Variants in SOD2 observed in about 807,000 individuals in gnomAD.
SOD2 encodes the protein superoxide dismutase [Mn], mitochondrial.
In SOD2, 11 loss-of-function variants were observed where a neutral mutation model predicts 27.0. The observed-to-expected ratio is 0.41, with a 90% CI of 0.26 to 0.67. The LOEUF is 0.67. SOD2 is among the 30% of genes least tolerant of loss of function. The probability of loss-of-function intolerance (pLI) is 0.34; values close to 1 mark genes in which losing one functional copy is unlikely to be tolerated. For synonymous variants in SOD2, 105 were observed against 103.0 expected, an observed-to-expected ratio of 1.02 and a Z score of -0.12; for missense variants, 250 against 274.5, an observed-to-expected ratio of 0.91 and a Z score of 0.63.
intron 1 of SOD2, chr6:159,753,648 C>T (rs1285573063): frequency 6.3e-7 from 1 of 1,576,298 alleles, no homozygotes; most frequent in South Asian, 1.2e-5. Flanking sequence ...AACGTTGTCT[C>T]AACTTTGCAT....
At position 159,673,836 on chromosome 6, in the gene SOD2, T is replaced by C. The variant is rs1442626135; in HGVS notation, c.*8657A>G. The C allele has an allele frequency of 6.6e-6, 1 of 151,822 alleles. No homozygotes were observed. Among genetic ancestry groups the C allele is most frequent in the Non-Finnish European group, 1.5e-5 (1 of 67,962 alleles). 9.4% of individuals were successfully genotyped at this position (151,822 alleles called of 1,614,324 possible). ...TGGTTTTTTGAAAAGATAAACACAA[T>C]TGATAGACCGCTAGCAAGACTAATA... On this transcript the variant is annotated 3_prime_UTR_variant, in exon 5 of 5. Transcript: ENST00000538183.
intron 1 of SOD2, chr6:159,743,530 C>A (rs978002837): frequency 1.3e-6 from 1 of 786,154 alleles, no homozygotes; most frequent in African/African-American, 1.8e-5. Context: ...GGAAGAAATT[C>A]GCCTGTTATA....
intron 1 of SOD2, among the ~76,000 whole-genome samples, chr6:159,709,265 T>C (rs1476877954): frequency 6.6e-6 from 1 of 152,164 alleles, no homozygotes. Flanking sequence ...AATTGACAGA[T>C]GGGATCTAAT....
chr6:159,760,150 G>A (rs1233862315), intron 1 of SOD2: 1 of 152,174 alleles, frequency 6.6e-6, no homozygotes, highest in Non-Finnish European at 1.5e-5. Flanking sequence ...TGATGTTTAG[G>A]GGGAGTTTCA....
intron 1 of SOD2, among the ~76,000 whole-genome samples, chr6:159,750,296 TCAAA>T (rs2114951236): frequency 6.6e-6 from 1 of 152,360 alleles, no homozygotes; most frequent in Non-Finnish European, 1.5e-5. Flanking sequence ...TAACATGTAC[TCAAA>T]TTGAGCAGGC....
intron 1 of SOD2, chr6:159,726,269 A>T (rs1778166904): frequency 6.6e-6 from 1 of 152,552 alleles, no homozygotes. Flanking sequence ...TCTGAGAATC[A>T]TCTGTTCATG....
chr6:159,736,105 C>T (rs1288803200), intron 1 of SOD2, among the ~76,000 whole-genome samples: 2 of 152,088 alleles, frequency 1.3e-5, no homozygotes, highest in Non-Finnish European at 2.9e-5. Context: ...TTTTGTAAAT[C>T]TAAAACTATT....
chr6:159,688,179 T>C lies in SOD2; in HGVS notation c.290A>G (p.Asn97Ser). Residue 97 changes from asparagine (N) to serine (S), a missense_variant, in exon 3 of 5, where the codon AAT becomes AGT. Transcript: ENST00000538183. Reference protein sequence around the residue: ...ALKFNGGGHINHSIFWTNLSP... With the variant: ...ALKFNGGGHISHSIFWTNLSP... ...GAGGTTTGTCCAGAAAATGCTATGA[T>C]TGATATGACCACCACCATTGAACTT... is the stretch of plus-strand genomic sequence containing the variant. 6.2e-7 allele frequency: 1 copy of C among 1,614,024 alleles called. No homozygotes were observed. The highest frequency in any genetic ancestry group is 8.5e-7 in the Non-Finnish European group (1 of 1,179,866).
At chr6:159,688,310 T>C in intron 2 of SOD2, 68 bp from the exon 3 acceptor site, 1 of 938,156 alleles carries the variant, frequency 1.1e-6, no homozygotes, top group Non-Finnish European at 1.7e-6. Flanking sequence ...ATACATTATA[T>C]TTTTTTCTTT....
intron 1 of SOD2, among the ~76,000 whole-genome samples, chr6:159,754,732 C>T (rs1401450890): frequency 2.6e-5 from 4 of 152,072 alleles, no homozygotes. Flanking sequence ...AAAATCTGTA[C>T]ATGTTCAGTA....
chr6:159,720,136 A>C (rs1337633899), intron 1 of SOD2, among the ~76,000 whole-genome samples: 1 of 151,406 alleles, frequency 6.6e-6, no homozygotes, highest in East Asian at 1.9e-4. Context: ...GTTCAAGCGA[A>C]TCTCCTGTCT....
chr6:159,761,188 GCTTT>G (rs1780116599), exon 1 of SOD2: 1 of 165,776 alleles, frequency 6.0e-6, no homozygotes, highest in Non-Finnish European at 1.3e-5. Flanking sequence ...TTGTGACAAA[GCTTT>G]CTTGTTCCAC....
intron 1 of SOD2, chr6:159,753,331 GTAAT>G (rs1228490869): frequency 7.8e-7 from 1 of 1,277,706 alleles, no homozygotes; most frequent in South Asian, 1.3e-5. Flanking sequence ...AAAGAAGATG[GTAAT>G]TATGGGGAAG....
intron 1 of SOD2, among the ~76,000 whole-genome samples, chr6:159,723,989 C>T (rs1778090530): frequency 6.6e-6 from 1 of 152,198 alleles, no homozygotes; most frequent in African/African-American, 2.4e-5. Context: ...TCTTGAACTC[C>T]TAAGCCACTT....
chr6:159,739,119 T>G, intron 1 of SOD2: 2 of 1,213,470 alleles, frequency 1.6e-6, no homozygotes, highest in African/African-American at 1.5e-5. Context: ...GTAATTGTCT[T>G]TGTGCCAGAT....
chr6:159,711,880 G>C (rs1777786719), intron 1 of SOD2, among the ~76,000 whole-genome samples: 1 of 113,246 alleles, frequency 8.8e-6, no homozygotes, highest in South Asian at 3.0e-4. Context: ...ACACTGCTCT[G>C]ATCTCCATAA....
In SOD2 at chr6:159,681,989, A is replaced by G. The variant is rs1210245511; in HGVS notation, c.*504T>C. 6.5e-6 allele frequency: 1 copy of G among 152,822 alleles called. No individual in the cohort carries two copies. The highest frequency in any genetic ancestry group is 2.4e-5 in the African/African-American group (1 of 41,484). The allele number at this position is 152,822 out of a possible 1,614,324, so 9.5% of individuals were successfully genotyped here. A position where few individuals can be genotyped will look rare whatever the true frequency, so the allele number is the denominator to read the frequency against. On this transcript the variant is annotated 3_prime_UTR_variant, in exon 5 of 5. Coordinates refer to ENST00000538183, the MANE Select transcript of SOD2 (RefSeq NM_000636.4). Reference sequence around the variant, plus strand: ...CTCTATTTGCAAAAACTATACAGGAACATTTGACCTAACAAAAACCACTGG... The same window carrying G: ...CTCTATTTGCAAAAACTATACAGGAGCATTTGACCTAACAAAAACCACTGG...
chr6:159,697,915 G>A (rs953906308), upstream of SOD2, among the ~76,000 whole-genome samples: 9 of 152,168 alleles, frequency 5.9e-5, no homozygotes, highest in Admixed American at 3.9e-4. Context: ...CGAGGTGGGC[G>A]GATCATCTGA....
At chr6:159,720,066 C>T (rs1407870873) in intron 1 of SOD2, among the ~76,000 whole-genome samples, 15 of 143,752 alleles carry the variant, frequency 1.0e-4, no homozygotes, top group African/African-American at 1.8e-4. Flanking sequence ...AGTCTCACTC[C>T]GTCTCCCAGG....
Sources: allele counts gnomAD v4.1 joint callset (sites outside exome capture counted in the v4.1 genomes callset), GRCh38; gene constraint gnomAD v4.1.1; transcripts MANE v1.5; gene names NCBI Gene and HGNC (gene_info 2026-07-23, HGNC 2026-07-21).